The following ZFP1 variants were observed in gnomAD, a reference collection of about 807,000 sequenced individuals.
ZFP1 encodes the protein ZFP1 zinc finger protein.
Under a neutral mutation model 38.5 loss-of-function variants are expected in ZFP1, and 32 were observed. The observed-to-expected ratio is 0.83, with a 90% CI of 0.63 to 1.12. The LOEUF is 1.12. Among genes scored for constraint, ZFP1 ranks in the 50% most tolerant of loss-of-function variants. The pLI, the probability that ZFP1 is intolerant of heterozygous loss-of-function variation, is 0.00. For synonymous variants in ZFP1, 245 were observed against 168.8 expected, an observed-to-expected ratio of 1.45 and a Z score of -3.50; for missense variants, 616 against 480.8, an observed-to-expected ratio of 1.28 and a Z score of -2.63.
chr16:75,144,395 C>A (rs1009680719), upstream of ZFP1, among the ~76,000 whole-genome samples: 1 of 152,112 alleles, frequency 6.6e-6, no homozygotes, highest in Non-Finnish European at 1.5e-5. Context: ...TTTAGTGTTT[C>A]CCCAAATTCT....
chr16:75,151,997 TTTG>T (rs1460397628), intron 1 of ZFP1, among the ~76,000 whole-genome samples: 3 of 152,320 alleles, frequency 2.0e-5, no homozygotes, highest in East Asian at 3.9e-4. Context: ...TAGTTGCTTT[TTTG>T]TTGTTGTGAA....
the ZFP1 span, among the ~76,000 whole-genome samples, chr16:75,135,248 C>G: frequency 5.1e-4 from 1 of 1,972 alleles, no homozygotes; most frequent in South Asian, 7.9e-3. Context: ...TGGAAACAGC[C>G]AAGAGATCCT....
the ZFP1 span, among the ~76,000 whole-genome samples, chr16:75,123,956 T>C: frequency 6.6e-6 from 1 of 151,246 alleles, no homozygotes; most frequent in Admixed American, 6.6e-5. Flanking sequence ...TAGCTGGGCC[T>C]GATAGCACGC....
chr16:75,170,722 C>G lies in ZFP1; in HGVS notation c.*388C>G, dbSNP rs1488391616. 1.8e-5 allele frequency: 3 copies of G among 164,290 alleles called. No individual in the cohort carries two copies. Among genetic ancestry groups the G allele is most frequent in the Non-Finnish European group, 3.9e-5 (3 of 76,304 alleles). The allele number at this position is 164,290 out of a possible 1,614,324, so 10.2% of individuals were successfully genotyped here. Reference sequence around the variant, plus strand: ...TTTAGATCTGCACATGTGAATTTAGCATAATCACTGGGAATTTGAAATTCT... The same window carrying G: ...TTTAGATCTGCACATGTGAATTTAGGATAATCACTGGGAATTTGAAATTCT... On this transcript the variant is annotated 3_prime_UTR_variant, in exon 4 of 4. Transcript: ENST00000570010.
In ZFP1 at chr16:75,171,083, T is replaced by G. The variant is rs1259172526; in HGVS notation, c.*749T>G. 1 of 144,594 alleles carries G rather than the reference T, an allele frequency of 6.9e-6. No individual in the cohort carries two copies. The highest frequency in any genetic ancestry group is 2.5e-5 in the African/African-American group (1 of 39,788). 9.0% of individuals were successfully genotyped at this position (144,594 alleles called of 1,614,324 possible). A position where few individuals can be genotyped will look rare whatever the true frequency, so the allele number is the denominator to read the frequency against. The stretch of plus-strand genomic sequence containing the variant: ...CAGACATGAGCTGTACTACTCAGTA[T>G]GCACCACAGAATAAGAGTTTGCCGT... On this transcript the variant is annotated 3_prime_UTR_variant, in exon 4 of 4. Coordinates refer to ENST00000570010, the MANE Select transcript of ZFP1 (RefSeq NM_153688.4).
At chr16:75,152,844 A>T in intron 1 of ZFP1, 65 bp from the exon 2 acceptor site, 4 of 1,467,314 alleles carry the variant, frequency 2.7e-6, no homozygotes, top group Non-Finnish European at 1.9e-6. Flanking sequence ...TAAACAAGTC[A>T]TTCTAGGAGT....
At chr16:75,168,794 C>T (rs941436349) in intron 3 of ZFP1, among the ~76,000 whole-genome samples, 2 of 152,096 alleles carry the variant, frequency 1.3e-5, no homozygotes, top group African/African-American at 4.8e-5. Context: ...GCTGGTTCTA[C>T]CATAGTAGTC....
the ZFP1 span, among the ~76,000 whole-genome samples, chr16:75,138,204 T>G: frequency 2.0e-5 from 3 of 151,910 alleles, no homozygotes; most frequent in African/African-American, 7.3e-5. Flanking sequence ...ACCTGGCTAA[T>G]TTTTGTATTC....
At chr16:75,126,922 A>G in the ZFP1 span, among the ~76,000 whole-genome samples, 1 of 152,248 alleles carries the variant, frequency 6.6e-6, no homozygotes, top group South Asian at 2.1e-4. Context: ...ATTGTCAAAT[A>G]TAAAATGGTG....
At chr16:75,153,490 G>A (rs756952545) in intron 2 of ZFP1, among the ~76,000 whole-genome samples, 8 of 152,094 alleles carry the variant, frequency 5.3e-5, no homozygotes. Flanking sequence ...ACAAACGTAA[G>A]ATAGCATGTT....
chr16:75,124,378 T>C, the ZFP1 span, among the ~76,000 whole-genome samples: 24 of 151,108 alleles, frequency 1.6e-4, no homozygotes, highest in Non-Finnish European at 3.4e-4. Context: ...CAGGCTGGTC[T>C]TGGACTCCTG....
intron 1 of ZFP1, among the ~76,000 whole-genome samples, chr16:75,149,507 G>T (rs1487050964): frequency 6.7e-6 from 1 of 149,738 alleles, no homozygotes; most frequent in Non-Finnish European, 1.5e-5. Flanking sequence ...GTGGTCCTAT[G>T]TGATTGTAAT....
At chr16:75,159,177 A>G (rs894069526) in intron 2 of ZFP1, among the ~76,000 whole-genome samples, 9 of 151,194 alleles carry the variant, frequency 6.0e-5, no homozygotes, top group Admixed American at 2.0e-4. Context: ...GATTTCAGGT[A>G]TGCGCCACAT....
At chr16:75,149,867 A>AC (rs2037099138) in intron 1 of ZFP1, among the ~76,000 whole-genome samples, 1 of 151,060 alleles carries the variant, frequency 6.6e-6, no homozygotes, top group Non-Finnish European at 1.5e-5. Flanking sequence ...GTGCAGTGGC[A>AC]CTCAGCTCAC....
At chr16:75,123,147 AGT>A in the ZFP1 span, among the ~76,000 whole-genome samples, 1 of 151,820 alleles carries the variant, frequency 6.6e-6, no homozygotes, top group Non-Finnish European at 1.5e-5. Flanking sequence ...TGAGGTCAGA[AGT>A]TTGAGACCAG....
At chr16:75,121,782 C>G in the ZFP1 span, among the ~76,000 whole-genome samples, 1 of 152,064 alleles carries the variant, frequency 6.6e-6, no homozygotes. Context: ...GGAAAAAAGA[C>G]TCGTCAAATA....
At chr16:75,149,716 G>A (rs2037089725) in intron 1 of ZFP1, among the ~76,000 whole-genome samples, 1 of 150,968 alleles carries the variant, frequency 6.6e-6, no homozygotes, top group Non-Finnish European at 1.5e-5. Flanking sequence ...GAGCCACCGC[G>A]TCCGGCCAGA....
At chr16:75,164,690 C>G (rs1323173380) in intron 2 of ZFP1, among the ~76,000 whole-genome samples, 6 of 152,008 alleles carry the variant, frequency 3.9e-5, no homozygotes, top group Non-Finnish European at 8.8e-5. Context: ...TTTATGTGAC[C>G]CACAAGCTAA....
At chr16:75,127,284 C>G in the ZFP1 span, among the ~76,000 whole-genome samples, 1 of 152,166 alleles carries the variant, frequency 6.6e-6, no homozygotes, top group Non-Finnish European at 1.5e-5. Context: ...GAGTCTCCCT[C>G]TGTTGCTCAG....
Sources: gnomAD v4.1 joint callset for allele counts (sites outside exome capture counted in the v4.1 genomes callset) on GRCh38, gnomAD v4.1.1 for gene constraint, MANE v1.5 for transcripts, NCBI Gene and HGNC (gene_info 2026-07-23, HGNC 2026-07-21) for gene names.